Variants in RIMS2 observed in about 807,000 individuals in gnomAD.
RIMS2 encodes the protein regulating synaptic membrane exocytosis protein 2.
In RIMS2, 59 loss-of-function variants were observed where a neutral mutation model predicts 174.4. That is an observed-to-expected ratio of 0.34 (90% CI 0.27 to 0.42). The LOEUF is 0.42. Ranked by LOEUF, RIMS2 falls within the 10% of genes least tolerant of loss-of-function variation. RIMS2 has a pLI of 1.00. For synonymous variants in RIMS2, 606 were observed against 572.5 expected (o/e 1.06, Z -0.84); for missense variants, 1,620 against 1,666.3 (o/e 0.97, Z 0.48).
intron 16 of RIMS2, among the ~76,000 whole-genome samples, chr8:103,984,148 TG>T (rs1183655020): frequency 6.6e-6 from 1 of 151,560 alleles, no homozygotes; most frequent in Non-Finnish European, 1.5e-5. Context: ...CACTCCAGCC[TG>T]GGCGACAGAG....
intron 19 of RIMS2, among the ~76,000 whole-genome samples, chr8:104,139,772 G>T (rs2098551395): frequency 6.6e-6 from 1 of 152,016 alleles, no homozygotes; most frequent in South Asian, 2.1e-4. Flanking sequence ...TTGTCTGATT[G>T]ATCTAGCTAG....
At chr8:103,934,648 A>G (rs905673472) in intron 12 of RIMS2, among the ~76,000 whole-genome samples, 1 of 151,984 alleles carries the variant, frequency 6.6e-6, no homozygotes, top group African/African-American at 2.4e-5. Context: ...CCTTACGAGG[A>G]AGTTCATGAC....
chr8:104,009,261 A>G (rs2154553288), intron 17 of RIMS2, among the ~76,000 whole-genome samples: 1 of 151,566 alleles, frequency 6.6e-6, no homozygotes, highest in South Asian at 2.1e-4. Flanking sequence ...CATTCAAGAT[A>G]TTTTAACAAA....
intron 1 of RIMS2, among the ~76,000 whole-genome samples, chr8:103,528,646 G>A (rs1835314237): frequency 6.6e-6 from 1 of 152,172 alleles, no homozygotes; most frequent in Admixed American, 6.5e-5. Flanking sequence ...TATTAAATAG[G>A]GAATCCTTGC....
intron 2 of RIMS2, among the ~76,000 whole-genome samples, chr8:103,755,371 T>G (rs2097976431): frequency 6.6e-6 from 1 of 152,204 alleles, no homozygotes; most frequent in East Asian, 1.9e-4. Context: ...ATTTTTTCCT[T>G]CATTTCAACC....
intron 1 of RIMS2, among the ~76,000 whole-genome samples, chr8:103,524,500 T>G (rs1833082799): frequency 6.6e-6 from 1 of 151,906 alleles, no homozygotes; most frequent in African/African-American, 2.4e-5. Context: ...AAGCAGAAAA[T>G]GGACAGTGAA....
At chr8:104,125,103 G>A (rs528849775) in intron 19 of RIMS2, among the ~76,000 whole-genome samples, 18 of 152,136 alleles carry the variant, frequency 1.2e-4, no homozygotes, top group African/African-American at 4.3e-4. Context: ...ATATAGAATT[G>A]TGTTGTGCTG....
chr8:103,771,984 T>C (rs1347768535), intron 3 of RIMS2, among the ~76,000 whole-genome samples: 1 of 152,114 alleles, frequency 6.6e-6, no homozygotes, highest in Non-Finnish European at 1.5e-5. Context: ...TGTAAAGTTT[T>C]AAGGTAGGTT....
At chr8:103,982,341 A>G (rs1359243499) in intron 16 of RIMS2, among the ~76,000 whole-genome samples, 1 of 151,978 alleles carries the variant, frequency 6.6e-6, no homozygotes, top group Non-Finnish European at 1.5e-5. Flanking sequence ...TACCAACTCT[A>G]CTCAAACTAT....
intron 1 of RIMS2, among the ~76,000 whole-genome samples, chr8:103,582,181 G>T (rs1469586080): frequency 1.3e-5 from 2 of 152,046 alleles, no homozygotes; most frequent in Admixed American, 6.5e-5. Context: ...ACACATCCTG[G>T]GCCAGGATGG....
At chr8:103,809,139 A>G (rs1014497423) in intron 3 of RIMS2, among the ~76,000 whole-genome samples, 2 of 152,134 alleles carry the variant, frequency 1.3e-5, no homozygotes, top group South Asian at 2.1e-4. Context: ...TGATTATGCC[A>G]TAATCAGTGT....
Position 104,079,271 on chromosome 8 carries a change from T to C in RIMS2, c.3334+64656T>C, listed in dbSNP as rs149950446. On this transcript the variant is annotated intron_variant, in intron 19 of 23. Transcript: ENST00000504942. ...ACTTGCAGGTAAGAGGGTCAATCTG[T>C]GGAGAATAGCTGCCATTGCCAAGAG... Among the ~76,000 whole-genome samples the C allele has an allele frequency of 4.2e-4, 64 of 152,194 alleles. 3 individuals are homozygous for C. The East Asian group carries it at 0.011, about 25-fold the overall frequency.
intron 19 of RIMS2, among the ~76,000 whole-genome samples, chr8:104,202,845 A>G (rs1485239232): frequency 2.0e-5 from 3 of 152,234 alleles, no homozygotes; most frequent in African/African-American, 7.2e-5. Flanking sequence ...ATCCCATAAC[A>G]CATGTGAAGA....
intron 2 of RIMS2, among the ~76,000 whole-genome samples, chr8:103,751,688 T>C (rs2097893676): frequency 1.3e-5 from 2 of 151,564 alleles, no homozygotes; most frequent in Admixed American, 6.6e-5. Flanking sequence ...TGCATTTCTC[T>C]GATGGCCAGT....
At chr8:103,821,375 T>G (rs549039054) in intron 3 of RIMS2, among the ~76,000 whole-genome samples, 1 of 151,694 alleles carries the variant, frequency 6.6e-6, no homozygotes, top group South Asian at 2.1e-4. Context: ...GATTATTATC[T>G]AAAACTATCC....
At chr8:104,145,694 T>TAAATAAAC (rs1291563777) in intron 19 of RIMS2, among the ~76,000 whole-genome samples, 4 of 149,166 alleles carry the variant, frequency 2.7e-5, no homozygotes, top group African/African-American at 9.8e-5. Flanking sequence ...AATAAATAAA[T>TAAATAAAC]AAATAAATAA....
intron 3 of RIMS2, among the ~76,000 whole-genome samples, chr8:103,794,028 A>G (rs1033761893): frequency 6.6e-6 from 1 of 152,238 alleles, no homozygotes; most frequent in Non-Finnish European, 1.5e-5. Flanking sequence ...TATAGATTCA[A>G]TGCCATCCCC....
At chr8:104,083,636 C>T (rs1256629549) in intron 19 of RIMS2, among the ~76,000 whole-genome samples, 1 of 152,084 alleles carries the variant, frequency 6.6e-6, no homozygotes, top group Non-Finnish European at 1.5e-5. Context: ...CTTGGAGAAG[C>T]ATTTAGTCAT....
At chr8:103,679,085 G>C (rs969152440) in intron 1 of RIMS2, among the ~76,000 whole-genome samples, 5 of 151,986 alleles carry the variant, frequency 3.3e-5, no homozygotes, top group Admixed American at 3.3e-4. Flanking sequence ...TTTACAAATG[G>C]TAAGTTTCCA....
Sources: gnomAD v4.1 joint callset for allele counts (sites outside exome capture counted in the v4.1 genomes callset) on GRCh38, gnomAD v4.1.1 for gene constraint, MANE v1.5 for transcripts, NCBI Gene and HGNC (gene_info 2026-07-23, HGNC 2026-07-21) for gene names.